The following EFL1 variants were observed in gnomAD, a reference collection of about 807,000 sequenced individuals.
EFL1 encodes the protein elongation factor like GTPase 1, also known as elongation factor-like GTPase 1.
A neutral mutation model predicts 126.7 loss-of-function variants in EFL1; 76 were observed. The ratio of observed to expected loss-of-function variants is 0.60; its 90% CI spans 0.50 to 0.73. The LOEUF (loss-of-function observed/expected upper bound fraction) is 0.73, where lower values mean the gene tolerates loss of function less well. EFL1 is among the 30% of genes least tolerant of loss of function. EFL1 has a pLI of 0.00. For synonymous variants in EFL1, 410 were observed against 448.4 expected (o/e 0.91, Z 1.08); for missense variants, 1,128 against 1,343.2 (o/e 0.84, Z 2.50).
rs1178801595 is a variant in EFL1 at position 82,225,151 on chromosome 15, C to T, written c.1292+14G>A. The T allele has an allele frequency of 8.8e-6, 14 of 1,591,086 alleles. No individual in the cohort carries two copies. The highest frequency in any genetic ancestry group is 1.1e-5 in the South Asian group (1 of 88,118). ...CATATTCCTAGCCCAGCCCAACTTTCCCCTTTCCCTTACCTTGGCTTATTC... is the reference window on the plus strand; with the variant it reads ...CATATTCCTAGCCCAGCCCAACTTTTCCCTTTCCCTTACCTTGGCTTATTC... On this transcript the variant is annotated intron_variant, in intron 12 of 19. Transcript: ENST00000268206.
intron 15 of EFL1, among the ~76,000 whole-genome samples, chr15:82,188,910 T>C (rs1265279871): frequency 6.8e-6 from 1 of 147,064 alleles, no homozygotes; most frequent in Non-Finnish European, 1.5e-5. Context: ...TTAGAGAATG[T>C]GTTTATGCTT....
chr15:82,200,467 C>G (rs540017200), intron 15 of EFL1, among the ~76,000 whole-genome samples: 197 of 152,128 alleles, frequency 1.3e-3, no homozygotes, highest in Non-Finnish European at 2.2e-3. Context: ...GTAATCTTGG[C>G]TTTACAAAAG....
chr15:82,162,993 T>C (rs916973333), intron 16 of EFL1, among the ~76,000 whole-genome samples: 1 of 152,218 alleles, frequency 6.6e-6, no homozygotes, highest in Non-Finnish European at 1.5e-5. Context: ...GCAATAGTCA[T>C]GGGACGTGAA....
At position 82,157,694 on chromosome 15, in the gene EFL1, G is replaced by A. The variant is rs779899955; in HGVS notation, c.2030+19C>T. The A allele has an allele frequency of 2.1e-5, 34 of 1,600,184 alleles. No homozygotes were observed. Among genetic ancestry groups the A allele is most frequent in the African/African-American group, 1.7e-4 (13 of 74,584 alleles). On this transcript the variant is annotated intron_variant, in intron 17 of 19. Transcript: ENST00000268206. ...GATTGAGAGCTATCATTTCTCCATC[G>A]CTATCATTTTCACCTAACCTTTCTT...
intron 15 of EFL1, among the ~76,000 whole-genome samples, chr15:82,202,015 G>A (rs2074474137): frequency 6.6e-6 from 1 of 151,846 alleles, no homozygotes; most frequent in Non-Finnish European, 1.5e-5. Flanking sequence ...CAATTCAGGA[G>A]TTTTAAGGAT....
chr15:82,228,442 G>T (rs558016849), intron 9 of EFL1, 115 bp from the exon 10 acceptor site: 5 of 1,338,576 alleles, frequency 3.7e-6, no homozygotes, highest in Non-Finnish European at 5.0e-6. Context: ...TTCAAAAAAA[G>T]CTAAAAATGA....
chr15:82,152,412 A>G lies in EFL1; in HGVS notation c.2042T>C (p.Ile681Thr). ...AATAGGTTCAGATACACTGATATGA[A>G]TCTTTGCAAACCTACAGACAAATTC... ...LDDLKERFAKIHISVSEPIIP... is the reference protein window; with the variant it reads ...LDDLKERFAKTHISVSEPIIP... The change falls in exon 18 of 20, where the codon ATT becomes ACT. Residue 681 changes from isoleucine to threonine, a missense_variant. Transcript: ENST00000268206. 1 of 1,605,548 alleles carries G rather than the reference A, an allele frequency of 6.2e-7. No individual in the cohort carries two copies.
intron 15 of EFL1, among the ~76,000 whole-genome samples, chr15:82,202,249 A>G (rs1227053043): frequency 1.3e-5 from 2 of 152,186 alleles, no homozygotes; most frequent in African/African-American, 2.4e-5. Context: ...ACAAAAGAGT[A>G]CTTTTCCCCC....
intron 18 of EFL1, among the ~76,000 whole-genome samples, chr15:82,142,640 T>C (rs1280645507): frequency 6.6e-6 from 1 of 152,176 alleles, no homozygotes; most frequent in Non-Finnish European, 1.5e-5. Context: ...TGCTCAACTG[T>C]TAATGACTAC....
At chr15:82,141,640 C>T (rs1312390058) in intron 18 of EFL1, among the ~76,000 whole-genome samples, 1 of 147,916 alleles carries the variant, frequency 6.8e-6, no homozygotes, top group Non-Finnish European at 1.5e-5. Flanking sequence ...TGCCACTGCA[C>T]TCCAACCTGG....
chr15:82,204,432 T>G (rs1385433264), intron 15 of EFL1, among the ~76,000 whole-genome samples: 4 of 152,202 alleles, frequency 2.6e-5, no homozygotes, highest in Non-Finnish European at 5.9e-5. Context: ...TCTTACAACT[T>G]GCACTCCAAT....
intron 6 of EFL1, among the ~76,000 whole-genome samples, chr15:82,239,319 G>T (rs1282867648): frequency 6.6e-6 from 1 of 151,984 alleles, no homozygotes; most frequent in East Asian, 1.9e-4. Context: ...TGTATTTTTA[G>T]TAGAGACAGG....
chr15:82,174,322 T>C (rs1381989798), intron 15 of EFL1: 1 of 152,126 alleles, frequency 6.6e-6, no homozygotes, highest in Non-Finnish European at 1.5e-5. Context: ...TGGAGTGTAC[T>C]GAATAAGCCT....
intron 2 of EFL1, 92 bp from the exon 3 acceptor site, chr15:82,259,247 T>A (rs2075092188): frequency 1.7e-6 from 2 of 1,172,126 alleles, no homozygotes; most frequent in Admixed American, 2.0e-5. Flanking sequence ...TCATAAGAAT[T>A]GGTTTAGTAA....
At chr15:82,146,531 G>C (rs2073847623) in intron 18 of EFL1, among the ~76,000 whole-genome samples, 2 of 148,172 alleles carry the variant, frequency 1.3e-5, no homozygotes, top group Non-Finnish European at 3.0e-5. Context: ...CAATATAAAA[G>C]AGTCCCTCAA....
intron 15 of EFL1, among the ~76,000 whole-genome samples, chr15:82,198,502 A>C (rs1397859539): frequency 6.6e-6 from 1 of 152,174 alleles, no homozygotes; most frequent in Middle Eastern, 3.2e-3. Flanking sequence ...GAAGGATGGA[A>C]TTCCTCTATG....
At chr15:82,182,273 CA>C (rs558125800) in intron 15 of EFL1, among the ~76,000 whole-genome samples, 32 of 152,256 alleles carry the variant, frequency 2.1e-4, no homozygotes, top group Admixed American at 3.9e-4. Flanking sequence ...AATAAACAAA[CA>C]ACCAACCAAT....
intron 17 of EFL1, 160 bp downstream of exon 17, chr15:82,157,553 A>C: frequency 1.2e-6 from 1 of 854,634 alleles, no homozygotes; most frequent in South Asian, 3.1e-5. Context: ...AGTTATTAAA[A>C]AATAAGTCTA....
chr15:82,197,287 C>G (rs1304631394), intron 15 of EFL1, among the ~76,000 whole-genome samples: 1 of 152,054 alleles, frequency 6.6e-6, no homozygotes, highest in East Asian at 1.9e-4. Flanking sequence ...GAAAATTTAC[C>G]TTTGATTTCC....
Sources: allele counts gnomAD v4.1 joint callset (sites outside exome capture counted in the v4.1 genomes callset), GRCh38; gene constraint gnomAD v4.1.1; transcripts MANE v1.5; gene names NCBI Gene and HGNC (gene_info 2026-07-23, HGNC 2026-07-21).